The following PKP4 variants were observed in gnomAD, a reference collection of about 807,000 sequenced individuals.
The protein encoded by PKP4 is plakophilin 4.
Under a neutral mutation model 145.1 loss-of-function variants are expected in PKP4, and 90 were observed. The ratio of observed to expected loss-of-function variants is 0.62; its 90% CI spans 0.52 to 0.74. PKP4 has a LOEUF of 0.74. Among genes scored for constraint, PKP4 ranks in the 30% least tolerant of loss-of-function variants. PKP4 has a pLI of 0.00. For missense variants in PKP4, 1,340 were observed against 1,482.7 expected (o/e 0.90, Z 1.58); for synonymous variants, 563 against 577.2 (o/e 0.98, Z 0.35).
chr2:158,674,075 A>G (rs2057796431), intron 19 of PKP4, 75 bp downstream of exon 19: 1 of 873,234 alleles, frequency 1.1e-6, no homozygotes, highest in South Asian at 1.3e-5. Flanking sequence ...GAGAAGATCA[A>G]ACATAAGCTG....
At chr2:158,487,259 C>A (rs1212623973) in intron 1 of PKP4, among the ~76,000 whole-genome samples, 1 of 152,066 alleles carries the variant, frequency 6.6e-6, no homozygotes, top group Admixed American at 6.5e-5. Flanking sequence ...TGGCACAAAG[C>A]CTTTTTTTAA....
In PKP4 at chr2:158,658,161, C is replaced by T; in HGVS notation, c.1940C>T (p.Ala647Val). The change falls in exon 12 of 22, where the codon GCT (alanine) becomes GTT (valine). Residue 647 changes from alanine to valine, a missense_variant. Coordinates refer to ENST00000389759, the MANE Select transcript of PKP4 (RefSeq NM_003628.6). ...GVLWNLSSCD[A>V]VKMTIIRDAL... is the part of the protein sequence containing the mutation. ...CTTTGGAATTTATCCTCATGTGATGCTGTAAAAATGACAATCATTCGAGAT... is the reference window on the plus strand; with the variant it reads ...CTTTGGAATTTATCCTCATGTGATGTTGTAAAAATGACAATCATTCGAGAT... 2 of 1,604,442 alleles carry T rather than the reference C, an allele frequency of 1.2e-6. No individual in the cohort carries two copies. Among genetic ancestry groups the T allele is most frequent in the Non-Finnish European group, 1.7e-6 (2 of 1,172,920 alleles).
rs150881924 is a variant in PKP4, at chr2:158,634,246, A to G, written c.1519A>G (p.Thr507Ala). ...GCATGCAGTGCCGGCTGATGATGGC[A>G]CCACAAGATCCCCATCAATAGACAG... ...LQHAVPADDG[T>A]TRSPSIDSIQ... Residue 507 changes from threonine to alanine, a missense_variant, in exon 9 of 22, where the codon ACC becomes GCC. By Grantham distance (58) the Thr-to-Ala change is moderately conservative. Transcript: ENST00000389759. The G allele has an allele frequency of 3.5e-5, 56 of 1,613,988 alleles. No individual in the cohort carries two copies. Among genetic ancestry groups the G allele is most frequent in the Non-Finnish European group, 4.7e-5 (55 of 1,180,014 alleles).
intron 1 of PKP4, among the ~76,000 whole-genome samples, chr2:158,486,495 A>T (rs35315402): frequency 2.6e-5 from 4 of 152,250 alleles, no homozygotes; most frequent in African/African-American, 4.8e-5. Context: ...TGAGACCCAT[A>T]AGACCTACAG....
At chr2:158,538,384 T>C (rs924751043) in intron 2 of PKP4, among the ~76,000 whole-genome samples, 41 of 152,210 alleles carry the variant, frequency 2.7e-4, no homozygotes, top group African/African-American at 4.8e-5. Flanking sequence ...TTTGCAAGTA[T>C]CTTTCACAAG....
chr2:158,560,033 A>G (rs2046388280), intron 2 of PKP4, among the ~76,000 whole-genome samples: 1 of 151,974 alleles, frequency 6.6e-6, no homozygotes, highest in Admixed American at 6.6e-5. Context: ...CGCCTGGCTA[A>G]TTTTTGTATT....
At chr2:158,499,710 A>G (rs1048329789) in intron 1 of PKP4, among the ~76,000 whole-genome samples, 4 of 152,216 alleles carry the variant, frequency 2.6e-5, no homozygotes, top group Admixed American at 6.5e-5. Context: ...CATTTTACTT[A>G]GTCTTCATTC....
intron 11 of PKP4, among the ~76,000 whole-genome samples, chr2:158,646,071 A>G (rs1400464539): frequency 2.0e-5 from 3 of 152,202 alleles, no homozygotes; most frequent in Non-Finnish European, 2.9e-5. Flanking sequence ...CTAATTCAGA[A>G]AGAGCTGTTT....
chr2:158,575,921 T>C (rs1168679628), intron 2 of PKP4, among the ~76,000 whole-genome samples: 2 of 152,206 alleles, frequency 1.3e-5, no homozygotes, highest in African/African-American at 4.8e-5. Context: ...ATCTAGTCTT[T>C]TGTTACTGAA....
intron 2 of PKP4, among the ~76,000 whole-genome samples, chr2:158,534,637 G>C (rs1485631761): frequency 1.3e-5 from 2 of 152,164 alleles, no homozygotes; most frequent in Non-Finnish European, 2.9e-5. Context: ...GTGAAACGTG[G>C]TAAATTTATC....
intron 1 of PKP4, among the ~76,000 whole-genome samples, chr2:158,528,285 C>T (rs892052919): frequency 2.0e-5 from 3 of 148,828 alleles, no homozygotes; most frequent in African/African-American, 7.4e-5. Context: ...GGCACATATA[C>T]ACCATGGAAT....
chr2:158,556,264 A>G (rs1351528264), intron 2 of PKP4, among the ~76,000 whole-genome samples: 1 of 152,230 alleles, frequency 6.6e-6, no homozygotes. Context: ...CATTCAGTAC[A>G]CTAATGGCTT....
chr2:158,624,340 C>T (rs1450310974), intron 6 of PKP4, among the ~76,000 whole-genome samples: 1 of 152,174 alleles, frequency 6.6e-6, no homozygotes. Flanking sequence ...AATGAAAGAA[C>T]ATGTTCCTTT....
chr2:158,501,183 GT>G (rs1696506914), intron 1 of PKP4, among the ~76,000 whole-genome samples: 1 of 152,144 alleles, frequency 6.6e-6, no homozygotes, highest in Non-Finnish European at 1.5e-5. Context: ...TACTCTCTGG[GT>G]TGTAGCCTCC....
At chr2:158,573,516 G>A (rs1468479199) in intron 2 of PKP4, among the ~76,000 whole-genome samples, 4 of 152,214 alleles carry the variant, frequency 2.6e-5, no homozygotes, top group Non-Finnish European at 5.9e-5. Flanking sequence ...AGCAAATGTA[G>A]CAAAATATTA....
At chr2:158,529,136 T>C (rs2043278787) in intron 1 of PKP4, among the ~76,000 whole-genome samples, 1 of 152,226 alleles carries the variant, frequency 6.6e-6, no homozygotes, top group Non-Finnish European at 1.5e-5. Flanking sequence ...TCTGGAAATT[T>C]TAAGCATTTT....
intron 1 of PKP4, among the ~76,000 whole-genome samples, chr2:158,519,684 G>A (rs1026404086): frequency 5.3e-5 from 8 of 152,062 alleles, no homozygotes; most frequent in African/African-American, 7.2e-5. Flanking sequence ...ATTTTGGCAC[G>A]CTGATGACAT....
At chr2:158,645,908 C>T (rs566231098) in intron 11 of PKP4, among the ~76,000 whole-genome samples, 52 of 152,186 alleles carry the variant, frequency 3.4e-4, no homozygotes, top group Middle Eastern at 6.8e-3. Flanking sequence ...AAGTAGAGCC[C>T]GACTTTACTA....
chr2:158,615,460 C>G (rs1339088812), intron 4 of PKP4, among the ~76,000 whole-genome samples: 2 of 151,824 alleles, frequency 1.3e-5, no homozygotes, highest in Non-Finnish European at 2.9e-5. Flanking sequence ...TCTTGTTTTC[C>G]TTTTATAGGT....
Sources: gnomAD v4.1 joint callset for allele counts (sites outside exome capture counted in the v4.1 genomes callset) on GRCh38, gnomAD v4.1.1 for gene constraint, MANE v1.5 for transcripts, NCBI Gene and HGNC (gene_info 2026-07-23, HGNC 2026-07-21) for gene names.